CNTN4: variants seen among roughly 807,000 people sequenced by gnomAD.
CNTN4 encodes contactin-4.
CNTN4 carries 77 observed loss-of-function variants against 122.5 expected under a neutral mutation model. The ratio of observed to expected loss-of-function variants is 0.63; its 90% CI spans 0.52 to 0.76. CNTN4 has a LOEUF of 0.76. Ranked by LOEUF, CNTN4 falls within the 30% of genes least tolerant of loss-of-function variation. The pLI is 0.00. For synonymous variants in CNTN4, 512 were observed against 447.0 expected, an observed-to-expected ratio of 1.15 and a Z score of -1.83; for missense variants, 1,256 against 1,259.1, an observed-to-expected ratio of 1.00 and a Z score of 0.04.
intron 3 of CNTN4, among the ~76,000 whole-genome samples, chr3:2,424,518 C>A (rs542706437): frequency 3.3e-5 from 5 of 152,012 alleles, no homozygotes; most frequent in African/African-American, 1.2e-4. Flanking sequence ...CAGTGCCGCA[C>A]TAAACATATG....
chr3:2,617,387 C>T (rs150697546), intron 4 of CNTN4, among the ~76,000 whole-genome samples: 83 of 150,278 alleles, frequency 5.5e-4, no homozygotes, highest in Admixed American at 1.3e-3. Flanking sequence ...ATATGAAAAA[C>T]AGCTCAACAT....
chr3:2,392,514 C>A (rs2046476973), intron 3 of CNTN4, among the ~76,000 whole-genome samples: 2 of 151,960 alleles, frequency 1.3e-5, no homozygotes, highest in Non-Finnish European at 2.9e-5. Flanking sequence ...TCATTTTATT[C>A]TATTTTAAAT....
chr3:2,379,946 A>C (rs1267408838), intron 3 of CNTN4, among the ~76,000 whole-genome samples: 2 of 151,686 alleles, frequency 1.3e-5, no homozygotes, highest in Non-Finnish European at 2.9e-5. Context: ...AATCCCAGCT[A>C]CTCGGGAGGC....
At chr3:2,409,035 T>A (rs1157064476) in intron 3 of CNTN4, among the ~76,000 whole-genome samples, 1 of 152,168 alleles carries the variant, frequency 6.6e-6, no homozygotes, top group African/African-American at 2.4e-5. Context: ...CTTATGAGAA[T>A]ATCTTTTACA....
chr3:2,707,354 A>C (rs2086803567), intron 4 of CNTN4, among the ~76,000 whole-genome samples: 1 of 151,990 alleles, frequency 6.6e-6, no homozygotes, highest in African/African-American at 2.4e-5. Flanking sequence ...CAATTTGGTA[A>C]ATATCCTTGT....
intron 6 of CNTN4, among the ~76,000 whole-genome samples, chr3:2,782,516 T>TGTGTGTGTGTGTGTGTG (rs1559498453): frequency 7.0e-6 from 1 of 142,420 alleles, no homozygotes; most frequent in Admixed American, 7.1e-5. Flanking sequence ...TGTGTGTGTG[T>TGTGTGTGTGTGTGTGTG]TTTAATGGGA....
chr3:2,698,135 A>G (rs1271022283), intron 4 of CNTN4, among the ~76,000 whole-genome samples: 3 of 152,256 alleles, frequency 2.0e-5, no homozygotes, highest in Non-Finnish European at 4.4e-5. Flanking sequence ...TGTTGCAGAA[A>G]TTATCACAGG....
chr3:2,571,450 A>C lies in CNTN4; in HGVS notation c.-54A>C. 1 of 1,265,016 alleles carries C rather than the reference A, an allele frequency of 7.9e-7. No individual in the cohort carries two copies. Among genetic ancestry groups the C allele is most frequent in the Non-Finnish European group, 1.2e-6 (1 of 861,600 alleles). 78.4% of individuals were successfully genotyped at this position (1,265,016 alleles called of 1,614,324 possible). ...TATACAAAACTTAAAAGAAGCAGCA[A>C]TTCTATTCGCTTGTTATTGGACTTG... On this transcript the variant is annotated 5_prime_UTR_variant, in exon 4 of 25. Coordinates refer to ENST00000418658, the MANE Select transcript of CNTN4 (RefSeq NM_175607.3).
intron 4 of CNTN4, among the ~76,000 whole-genome samples, chr3:2,603,009 A>T (rs2081111690): frequency 6.6e-6 from 1 of 152,204 alleles, no homozygotes; most frequent in Non-Finnish European, 1.5e-5. Context: ...AAATACAATT[A>T]TGAGAGGAAA....
chr3:2,795,882 C>T (rs2092161421), intron 6 of CNTN4, among the ~76,000 whole-genome samples: 2 of 151,796 alleles, frequency 1.3e-5, no homozygotes, highest in South Asian at 4.2e-4. Flanking sequence ...GTGATCAAGG[C>T]AAAAAGAAAT....
intron 13 of CNTN4, among the ~76,000 whole-genome samples, chr3:2,926,558 G>A (rs2094475346): frequency 6.6e-6 from 1 of 152,004 alleles, no homozygotes; most frequent in African/African-American, 2.4e-5. Context: ...GAATCTGTTT[G>A]TCACCTATAA....
chr3:2,816,005 T>G (rs2092718314), intron 6 of CNTN4, among the ~76,000 whole-genome samples: 1 of 151,760 alleles, frequency 6.6e-6, no homozygotes, highest in African/African-American at 2.4e-5. Context: ...AAACCAAATA[T>G]CGTATGTTCT....
intron 6 of CNTN4, among the ~76,000 whole-genome samples, chr3:2,782,145 T>A (rs977676763): frequency 6.6e-6 from 1 of 152,092 alleles, no homozygotes; most frequent in Non-Finnish European, 1.5e-5. Flanking sequence ...CTTATCAGAC[T>A]GAAGTCTGTG....
At chr3:2,350,910 G>C (rs2044585882) in intron 3 of CNTN4, among the ~76,000 whole-genome samples, 1 of 152,102 alleles carries the variant, frequency 6.6e-6, no homozygotes, top group African/African-American at 2.4e-5. Flanking sequence ...CTACATTCCT[G>C]GATTACTCTA....
intron 3 of CNTN4, among the ~76,000 whole-genome samples, chr3:2,567,201 C>G (rs2079206185): frequency 6.6e-6 from 1 of 151,902 alleles, no homozygotes; most frequent in Admixed American, 6.6e-5. Flanking sequence ...ATTCTCCTGC[C>G]TCAGCCTCCC....
chr3:2,351,303 T>C (rs2150443566), intron 3 of CNTN4, among the ~76,000 whole-genome samples: 1 of 152,300 alleles, frequency 6.6e-6, no homozygotes, highest in East Asian at 1.9e-4. Flanking sequence ...TCTCATTTTA[T>C]AGTGCAGGAA....
intron 2 of CNTN4, among the ~76,000 whole-genome samples, chr3:2,149,403 C>T (rs2035396448): frequency 6.6e-6 from 1 of 152,134 alleles, no homozygotes; most frequent in Non-Finnish European, 1.5e-5. Context: ...AAATATGTTA[C>T]TGACCATAAA....
At chr3:2,679,728 A>G (rs1008530663) in intron 4 of CNTN4, among the ~76,000 whole-genome samples, 1 of 152,116 alleles carries the variant, frequency 6.6e-6, no homozygotes, top group Non-Finnish European at 1.5e-5. Context: ...TTCCCCTCCA[A>G]CATTCTCAGA....
At chr3:2,637,143 T>C (rs2082696348) in intron 4 of CNTN4, among the ~76,000 whole-genome samples, 1 of 151,974 alleles carries the variant, frequency 6.6e-6, no homozygotes, top group Admixed American at 6.6e-5. Flanking sequence ...TGTTTCACCA[T>C]GTTAGCCAGG....
Sources: allele counts gnomAD v4.1 joint callset (sites outside exome capture counted in the v4.1 genomes callset), GRCh38; gene constraint gnomAD v4.1.1; transcripts MANE v1.5; gene names NCBI Gene and HGNC (gene_info 2026-07-23, HGNC 2026-07-21).